Variants in ZFYVE27 observed in about 807,000 individuals in gnomAD.
The protein encoded by ZFYVE27 is zinc finger FYVE-type containing 27.
Under a neutral mutation model 52.8 loss-of-function variants are expected in ZFYVE27, and 36 were observed. The ratio of observed to expected loss-of-function variants is 0.68; its 90% CI spans 0.52 to 0.90. ZFYVE27 has a LOEUF of 0.90. Among genes scored for constraint, ZFYVE27 ranks in the 40% least tolerant of loss-of-function variants. The probability of loss-of-function intolerance (pLI) is 0.00; values close to 1 mark genes in which losing one functional copy is unlikely to be tolerated. For synonymous variants in ZFYVE27, 223 were observed against 215.6 expected, an observed-to-expected ratio of 1.03 and a Z score of -0.30; for missense variants, 450 against 527.2, an observed-to-expected ratio of 0.85 and a Z score of 1.43.
At chr10:97,756,667 C>T (rs995458130) in intron 10 of ZFYVE27, among the ~76,000 whole-genome samples, 5 of 152,220 alleles carry the variant, frequency 3.3e-5, no homozygotes, top group African/African-American at 7.2e-5. Flanking sequence ...CAGGACCTCT[C>T]CCTGCTCTGC....
At chr10:97,758,116 T>C in intron 12 of ZFYVE27, 1 of 161,822 alleles carries the variant, frequency 6.2e-6, no homozygotes, top group Non-Finnish European at 1.4e-5. Flanking sequence ...TTTCCTTTTA[T>C]AAAATATAAA....
chr10:97,744,948 G>A (rs1267391141), intron 4 of ZFYVE27, 33 bp downstream of exon 4: 3 of 1,544,726 alleles, frequency 1.9e-6, no homozygotes, highest in South Asian at 1.2e-5. Context: ...GGAGGTGGGG[G>A]AACAGTAACA....
In ZFYVE27 at chr10:97,759,317, C is replaced by G; in HGVS notation, c.*17C>G. 1 of 1,614,074 alleles carries G rather than the reference C, an allele frequency of 6.2e-7. No homozygotes were observed. The highest frequency in any genetic ancestry group is 8.5e-7 in the Non-Finnish European group (1 of 1,179,966). ...AGCAAGTGAGAAGAGAGGCCAGGGT[C>G]CAACCAGGCACCCGTCCTTGGGACC... On this transcript the variant is annotated 3_prime_UTR_variant, in exon 13 of 13. Transcript: ENST00000684270.
chr10:97,741,093 A>T (rs2043503279), intron 2 of ZFYVE27, among the ~76,000 whole-genome samples: 1 of 152,174 alleles, frequency 6.6e-6, no homozygotes, highest in African/African-American at 2.4e-5. Context: ...CAGGAGAAAG[A>T]CACAGATGTC....
At chr10:97,743,620 G>A (rs2044358076) in intron 3 of ZFYVE27, among the ~76,000 whole-genome samples, 2 of 152,188 alleles carry the variant, frequency 1.3e-5, no homozygotes, top group Non-Finnish European at 2.9e-5. Flanking sequence ...TGGGGACATG[G>A]CATGAGTAAA....
chr10:97,759,230 T>C lies in ZFYVE27; in HGVS notation c.1172-6T>C, dbSNP rs2049165460. 2.5e-6 allele frequency: 4 copies of C among 1,614,148 alleles called. No individual in the cohort carries two copies. The highest frequency in any genetic ancestry group is 3.4e-6 in the Non-Finnish European group (4 of 1,180,028). On this transcript the variant is annotated splice_polypyrimidine_tract_variant and splice_region_variant and intron_variant, in intron 12 of 12. Coordinates refer to ENST00000684270, the MANE Select transcript of ZFYVE27 (RefSeq NM_001385875.1). Reference sequence around the variant, plus strand: ...AATGTCTCACCAAGTTCTTCCTCCTTTTCAGCCCCTGAAGCCCAGAGGGAG... The same window carrying C: ...AATGTCTCACCAAGTTCTTCCTCCTCTTCAGCCCCTGAAGCCCAGAGGGAG...
In ZFYVE27 at chr10:97,753,167, C is replaced by T; in HGVS notation, c.1027C>T (p.Pro343Ser). ...CACGGAGCGGCTCCGCAAGCGCTAC[C>T]CCACCAACAACTTCGGTGCGGCCAG... ...RLTERLRKRY[P>S]TNNFGNCTGC... The change falls in exon 10 of 13, where the codon CCC (proline) becomes TCC (serine). Residue 343 changes from proline to serine, a missense_variant. Pro to Ser is a moderately conservative substitution (Grantham distance 74). Coordinates refer to ENST00000684270, the MANE Select transcript of ZFYVE27 (RefSeq NM_001385875.1). 1 of 1,611,346 alleles carries T rather than the reference C, an allele frequency of 6.2e-7. No homozygotes were observed. Among genetic ancestry groups the T allele is most frequent in the Non-Finnish European group, 8.5e-7 (1 of 1,179,380 alleles).
At chr10:97,753,375 GGGTGTGGGTTCCTTCTTGTCCCTCCATC>G (rs1208574447) in intron 10 of ZFYVE27, among the ~76,000 whole-genome samples, 193 bp downstream of exon 10, 1 of 152,164 alleles carries the variant, frequency 6.6e-6, no homozygotes, top group African/African-American at 2.4e-5. Flanking sequence ...CTGAGGGAGT[GGGTGTGGGTTCCTTCTTGTCCCTCCATC>G]CTGATTGGAC....
At position 97,749,825 on chromosome 10, in the gene ZFYVE27, C is replaced by T. The variant is rs186701353; in HGVS notation, c.664+239C>T. Among the ~76,000 whole-genome samples the T allele has an allele frequency of 4.1e-3, 620 of 152,340 alleles. 1 individual carries two copies. The highest frequency in any genetic ancestry group is 0.014 in the African/African-American group (595 of 41,588). ...ATCTCCCTTCGCTCCCTTCCCAAGG[C>T]AGATGAATCACTGCTTATATGATAT... On this transcript the variant is annotated intron_variant, in intron 6 of 12. Transcript: ENST00000684270.
chr10:97,759,147 TG>T, intron 12 of ZFYVE27, 88 bp from the exon 13 acceptor site: 1 of 1,439,630 alleles, frequency 6.9e-7, no homozygotes, highest in Non-Finnish European at 9.8e-7. Flanking sequence ...GGGGTCTGTG[TG>T]GGGCATTTGG....
At chr10:97,743,601 A>G (rs1228389031) in intron 3 of ZFYVE27, among the ~76,000 whole-genome samples, 1 of 152,218 alleles carries the variant, frequency 6.6e-6, no homozygotes, top group South Asian at 2.1e-4. Flanking sequence ...AGCTGATTCA[A>G]GGGTCATCTG....
chr10:97,748,492 T>C (rs1197324966), intron 5 of ZFYVE27, 128 bp downstream of exon 5: 17 of 840,812 alleles, frequency 2.0e-5, no homozygotes, highest in Non-Finnish European at 3.1e-5. Flanking sequence ...CCTGGGCTCT[T>C]GTGTGTATAT....
chr10:97,755,779 C>G (rs556344671), intron 10 of ZFYVE27, among the ~76,000 whole-genome samples: 6 of 152,166 alleles, frequency 3.9e-5, no homozygotes, highest in African/African-American at 1.4e-4. Flanking sequence ...GGAGGGCCCC[C>G]CTTTGTCCTG....
At chr10:97,749,410 C>A in intron 5 of ZFYVE27, 64 bp from the exon 6 acceptor site, 2 of 1,274,766 alleles carry the variant, frequency 1.6e-6, no homozygotes, top group Non-Finnish European at 1.1e-6. Flanking sequence ...TGTGGGTGTG[C>A]TCCAAACCCG....
At position 97,759,362 on chromosome 10, in the gene ZFYVE27, TCC is replaced by T; in HGVS notation, c.*65_*66del. 6.4e-7 allele frequency: 1 copy of T among 1,572,548 alleles called. No homozygotes were observed. Among genetic ancestry groups the T allele is most frequent in the Non-Finnish European group, 8.7e-7 (1 of 1,142,908 alleles). On this transcript the variant is annotated 3_prime_UTR_variant, in exon 13 of 13. Transcript: ENST00000684270. ...GGGACCAGCAGTAGACCCCCCACTC[TCC>T]CCACCCCTGGCCCACTGTGGTGTGT...
At chr10:97,757,612 G>A in intron 11 of ZFYVE27, 30 bp from the exon 12 acceptor site, 1 of 1,611,206 alleles carries the variant, frequency 6.2e-7, no homozygotes, top group East Asian at 2.2e-5. Context: ...GAGGGTGAGG[G>A]ACACATCTGA....
intron 10 of ZFYVE27, chr10:97,754,625 A>G (rs1179472219): frequency 7.8e-7 from 1 of 1,279,896 alleles, no homozygotes; most frequent in South Asian, 1.3e-5. Flanking sequence ...CCTTTGTTTT[A>G]TTTATGCTGC....
intron 2 of ZFYVE27, among the ~76,000 whole-genome samples, chr10:97,741,556 T>A (rs923856710): frequency 2.0e-5 from 3 of 151,630 alleles, no homozygotes; most frequent in African/African-American, 7.3e-5. Flanking sequence ...TAAGTGGGAG[T>A]TGAACAGTGA....
chr10:97,746,538 A>G (rs1055546234), intron 4 of ZFYVE27, among the ~76,000 whole-genome samples: 4 of 152,234 alleles, frequency 2.6e-5, no homozygotes, highest in African/African-American at 9.6e-5. Context: ...GTATTTCCTA[A>G]GAACAAGGAC....
Sources: gnomAD v4.1 joint callset for allele counts (sites outside exome capture counted in the v4.1 genomes callset) on GRCh38, gnomAD v4.1.1 for gene constraint, MANE v1.5 for transcripts, NCBI Gene and HGNC (gene_info 2026-07-23, HGNC 2026-07-21) for gene names.